The following AFAP1L2 variants were observed in gnomAD, a reference collection of about 807,000 sequenced individuals.
The protein encoded by AFAP1L2 is actin filament-associated protein 1-like 2.
In AFAP1L2, 46 loss-of-function variants were observed where a neutral mutation model predicts 99.3. The ratio of observed to expected loss-of-function variants is 0.46; its 90% CI spans 0.37 to 0.59. The LOEUF (loss-of-function observed/expected upper bound fraction) is 0.59, where lower values mean the gene tolerates loss of function less well. AFAP1L2 is among the 20% of genes least tolerant of loss of function. The pLI, the probability that AFAP1L2 is intolerant of heterozygous loss-of-function variation, is 0.00. For missense variants in AFAP1L2, 959 were observed against 1,034.9 expected, an observed-to-expected ratio of 0.93 and a Z score of 1.01; for synonymous variants, 397 against 419.1, an observed-to-expected ratio of 0.95 and a Z score of 0.64.
chr10:114,309,015 C>T (rs2042824996), intron 8 of AFAP1L2, among the ~76,000 whole-genome samples: 1 of 152,220 alleles, frequency 6.6e-6, no homozygotes, highest in African/African-American at 2.4e-5. Context: ...CCAGTCTGCT[C>T]ACAGGGGTGT....
the AFAP1L2 span, among the ~76,000 whole-genome samples, chr10:114,287,166 T>C: frequency 6.6e-6 from 1 of 152,164 alleles, no homozygotes; most frequent in Admixed American, 6.5e-5. Flanking sequence ...TGGCCAGAGA[T>C]GTAGTAGCTG....
At chr10:114,371,653 C>A in intron 1 of AFAP1L2, among the ~76,000 whole-genome samples, 1 of 151,918 alleles carries the variant, frequency 6.6e-6, no homozygotes, top group African/African-American at 2.4e-5. Flanking sequence ...CACACTGGGG[C>A]CTGTTGTGGG....
chr10:114,312,172 G>A (rs1439045818), intron 7 of AFAP1L2, among the ~76,000 whole-genome samples: 1 of 152,022 alleles, frequency 6.6e-6, no homozygotes, highest in East Asian at 1.9e-4. Flanking sequence ...TAGGGGCCAG[G>A]GAGAAGATCG....
chr10:114,368,399 G>A (rs531037069), intron 1 of AFAP1L2, among the ~76,000 whole-genome samples: 22 of 152,134 alleles, frequency 1.4e-4, no homozygotes, highest in African/African-American at 4.6e-4. Context: ...TAATAACAGC[G>A]TATTGGTTTG....
At chr10:114,325,703 C>T (rs1302674302) in intron 4 of AFAP1L2, among the ~76,000 whole-genome samples, 1 of 152,252 alleles carries the variant, frequency 6.6e-6, no homozygotes, top group Non-Finnish European at 1.5e-5. Flanking sequence ...TTGGTAACTT[C>T]TAGTGTATGG....
chr10:114,321,238 T>A (rs1354584962), intron 5 of AFAP1L2, among the ~76,000 whole-genome samples: 1 of 152,118 alleles, frequency 6.6e-6, no homozygotes. Context: ...GAATATGTAG[T>A]CTTTTATCCC....
intron 1 of AFAP1L2, among the ~76,000 whole-genome samples, chr10:114,385,101 A>C (rs753438838): frequency 1.4e-4 from 21 of 152,258 alleles, no homozygotes; most frequent in Non-Finnish European, 2.6e-4. Flanking sequence ...GCAGGGGGGC[A>C]GTGAAGGTGG....
chr10:114,340,019 A>AAAC (rs1416090930), intron 2 of AFAP1L2, among the ~76,000 whole-genome samples: 1 of 148,108 alleles, frequency 6.8e-6, no homozygotes, highest in East Asian at 2.0e-4. Context: ...TCAAAAAAAA[A>AAAC]AAAAAAGAGA....
chr10:114,318,720 G>A (rs1297463795), intron 5 of AFAP1L2, among the ~76,000 whole-genome samples: 2 of 22,060 alleles, frequency 9.1e-5, no homozygotes, highest in Non-Finnish European at 2.1e-4. Context: ...CCAGCCTGGC[G>A]GCAGGGTGAG....
chr10:114,291,402 G>A (rs2039587726), downstream of AFAP1L2: 11 of 761,506 alleles, frequency 1.4e-5, no homozygotes, highest in Middle Eastern at 3.4e-4. Context: ...ACTGAGGGAG[G>A]AGGATGTCCC....
At chr10:114,327,632 C>CT (rs1276769070) in intron 4 of AFAP1L2, among the ~76,000 whole-genome samples, 2 of 152,208 alleles carry the variant, frequency 1.3e-5, no homozygotes, top group African/African-American at 2.4e-5. Flanking sequence ...CTCGGGACCT[C>CT]TGTCTTATCT....
At chr10:114,349,462 A>G (rs539173122) in intron 1 of AFAP1L2, among the ~76,000 whole-genome samples, 8 of 150,068 alleles carry the variant, frequency 5.3e-5, no homozygotes, top group African/African-American at 1.7e-4. Context: ...GGTGGCATGC[A>G]CCTGTAGTCC....
At chr10:114,359,417 TA>T (rs766166488) in intron 1 of AFAP1L2, among the ~76,000 whole-genome samples, 1 of 152,206 alleles carries the variant, frequency 6.6e-6, no homozygotes, top group Non-Finnish European at 1.5e-5. Flanking sequence ...TTGTACTTCT[TA>T]ATGGAGCAAC....
intron 5 of AFAP1L2, among the ~76,000 whole-genome samples, chr10:114,318,513 T>C (rs915292404): frequency 2.0e-5 from 3 of 150,666 alleles, no homozygotes; most frequent in Non-Finnish European, 4.4e-5. Context: ...CCAAGGCGGG[T>C]GGATCACTTG....
intron 4 of AFAP1L2, among the ~76,000 whole-genome samples, chr10:114,325,151 G>A (rs899862609): frequency 2.0e-5 from 3 of 152,220 alleles, no homozygotes; most frequent in Admixed American, 6.5e-5. Flanking sequence ...GTATGTGACA[G>A]CCTCTCTGAG....
chr10:114,397,240 C>A (rs376830906), intron 1 of AFAP1L2, among the ~76,000 whole-genome samples: 1 of 152,208 alleles, frequency 6.6e-6, no homozygotes, highest in Non-Finnish European at 1.5e-5. Context: ...ATTTCCCTCA[C>A]GCCCTTTGTG....
the AFAP1L2 span, among the ~76,000 whole-genome samples, chr10:114,282,138 G>A: frequency 6.6e-6 from 1 of 151,920 alleles, no homozygotes. Flanking sequence ...TGCTAAGCTG[G>A]GATTACAGGC....
intron 1 of AFAP1L2, among the ~76,000 whole-genome samples, chr10:114,403,920 G>C (rs2058469976): frequency 6.6e-6 from 1 of 152,204 alleles, no homozygotes; most frequent in Non-Finnish European, 1.5e-5. Flanking sequence ...ACGGCAGGAC[G>C]TTTGGGGAGG....
intron 1 of AFAP1L2, among the ~76,000 whole-genome samples, chr10:114,348,636 C>CAA (rs1554926100): frequency 6.6e-6 from 1 of 152,254 alleles, no homozygotes; most frequent in Non-Finnish European, 1.5e-5. Flanking sequence ...GCTGACTTTA[C>CAA]AGGACGTGCT....
Sources: allele counts gnomAD v4.1 joint callset (sites outside exome capture counted in the v4.1 genomes callset), GRCh38; gene constraint gnomAD v4.1.1; transcripts MANE v1.5; gene names NCBI Gene and HGNC (gene_info 2026-07-23, HGNC 2026-07-21).